The following MAP4K3 variants were observed in gnomAD, a reference collection of about 807,000 sequenced individuals.
MAP4K3 encodes mitogen-activated protein kinase kinase kinase kinase 3.
MAP4K3 carries 94 observed loss-of-function variants against 143.5 expected under a neutral mutation model. That is an observed-to-expected ratio of 0.65 (90% confidence interval 0.55 to 0.78). MAP4K3 has a LOEUF of 0.78. MAP4K3 is among the 30% of genes least tolerant of loss of function. The pLI is 0.00. For missense variants in MAP4K3, 1,077 were observed against 1,068.1 expected (o/e 1.01, Z -0.12); for synonymous variants, 416 against 347.2 (o/e 1.20, Z -2.20).
At position 39,292,769 on chromosome 2, in the gene MAP4K3, T is replaced by C. The variant is rs55748017; in HGVS notation, c.1271+4A>G. The stretch of plus-strand genomic sequence containing the variant: ...TTTTTACCAAAAACAGAGACAGAAC[T>C]TACTGTTTAGATTCATCATCATCTC... On this transcript the variant is annotated splice_donor_region_variant and intron_variant, in intron 18 of 33. Transcript: ENST00000263881. The C allele has an allele frequency of 1.7e-3, 2,674 of 1,612,450 alleles. 47 individuals are homozygous for C. In the East Asian group the frequency reaches 0.029, roughly 17 times the overall value.
intron 3 of MAP4K3, among the ~76,000 whole-genome samples, chr2:39,347,578 A>G (rs1013461466): frequency 1.3e-5 from 2 of 152,046 alleles, no homozygotes; most frequent in Admixed American, 6.5e-5. Context: ...TATAATTTAT[A>G]TTGTAGTGTA....
chr2:39,292,495 C>G (rs908939273), intron 18 of MAP4K3, among the ~76,000 whole-genome samples: 2 of 152,170 alleles, frequency 1.3e-5, no homozygotes, highest in African/African-American at 4.8e-5. Context: ...TGTCTGCAAG[C>G]CAAGAAGGCA....
intron 13 of MAP4K3, among the ~76,000 whole-genome samples, chr2:39,310,335 T>G (rs1319525461): frequency 6.6e-6 from 1 of 152,206 alleles, no homozygotes; most frequent in Non-Finnish European, 1.5e-5. Flanking sequence ...CACATATGAA[T>G]GAGGACATGA....
chr2:39,406,361 T>C (rs150282135), intron 1 of MAP4K3, among the ~76,000 whole-genome samples: 1 of 152,192 alleles, frequency 6.6e-6, no homozygotes, highest in East Asian at 1.9e-4. Context: ...GAGAAAGATA[T>C]TAATATCCAA....
In MAP4K3 at chr2:39,328,996, G is replaced by T. The variant is rs112280915; in HGVS notation, c.531-2719C>A. 1.7e-3 allele frequency among the ~76,000 whole-genome samples: 252 copies of T among 152,304 alleles called. 3 individuals are homozygous for T. Among genetic ancestry groups the T allele is most frequent in the African/African-American group, 5.9e-3 (245 of 41,568 alleles). On this transcript the variant is annotated intron_variant, in intron 8 of 33. Coordinates refer to ENST00000263881, the MANE Select transcript of MAP4K3 (RefSeq NM_003618.4). Reference sequence around the variant, plus strand: ...CACTTGGGAAGAGAGAGGTTCTAAAGTTTTAGATTTTAGGTAGGAAAGATA... The same window carrying T: ...CACTTGGGAAGAGAGAGGTTCTAAATTTTTAGATTTTAGGTAGGAAAGATA...
rs1293188571 is a variant in MAP4K3, at chr2:39,258,429, T to C, written c.2389A>G (p.Ile797Val). Residue 797 changes from isoleucine to valine, a missense_variant, in exon 31 of 34, where the codon ATA (isoleucine) becomes GTA (valine). Physicochemically the swap from Ile to Val is conservative, Grantham distance 29 (BLOSUM62 3). Transcript: ENST00000263881. ...TTTAATCTTCCTTGGAGATTTACTA[T>C]TTTTATACAACCTAGAGGAAAAAAA... ...ILVCLDCCIKIVNLQGRLKSS... is the reference protein window; with the variant it reads ...ILVCLDCCIKVVNLQGRLKSS... 4 of 1,609,684 alleles carry C rather than the reference T, an allele frequency of 2.5e-6. No homozygotes were observed. Among genetic ancestry groups the C allele is most frequent in the East Asian group, 2.2e-5 (1 of 44,806 alleles).
chr2:39,251,277 G>A (rs765375088), intron 33 of MAP4K3, among the ~76,000 whole-genome samples: 1 of 152,126 alleles, frequency 6.6e-6, no homozygotes, highest in Non-Finnish European at 1.5e-5. Context: ...AGTCCTGCCC[G>A]CATGATCAAA....
chr2:39,251,001 C>T (rs984633002), intron 33 of MAP4K3, among the ~76,000 whole-genome samples: 8 of 152,142 alleles, frequency 5.3e-5, no homozygotes, highest in African/African-American at 1.4e-4. Flanking sequence ...GTTCTAAAAA[C>T]GATTTGCAGT....
intron 1 of MAP4K3, among the ~76,000 whole-genome samples, chr2:39,408,531 T>C (rs1667154787): frequency 6.6e-6 from 1 of 151,510 alleles, no homozygotes; most frequent in Admixed American, 6.6e-5. Context: ...CCATCAAGCC[T>C]GAAACAAAAA....
At chr2:39,399,869 G>C (rs1666907060) in intron 1 of MAP4K3, among the ~76,000 whole-genome samples, 1 of 152,094 alleles carries the variant, frequency 6.6e-6, no homozygotes, top group South Asian at 2.1e-4. Context: ...GATCTAGCCA[G>C]GTACATAATA....
At chr2:39,375,533 C>T (rs1053256255) in intron 2 of MAP4K3, among the ~76,000 whole-genome samples, 1 of 152,160 alleles carries the variant, frequency 6.6e-6, no homozygotes, top group East Asian at 1.9e-4. Flanking sequence ...ATAGATATAA[C>T]GTAGCAACTA....
At chr2:39,423,933 T>A (rs1664975722) in intron 1 of MAP4K3, among the ~76,000 whole-genome samples, 1 of 152,148 alleles carries the variant, frequency 6.6e-6, no homozygotes, top group Admixed American at 6.5e-5. Flanking sequence ...TAATAATGTA[T>A]CAGTATTGGT....
intron 2 of MAP4K3, among the ~76,000 whole-genome samples, chr2:39,364,399 C>T (rs1046194471): frequency 1.3e-5 from 2 of 152,126 alleles, no homozygotes; most frequent in Non-Finnish European, 2.9e-5. Context: ...TATCATGTGA[C>T]GTGTTTTTAC....
chr2:39,271,973 A>G (rs755224862), intron 26 of MAP4K3: 175 of 200,238 alleles, frequency 8.7e-4, no homozygotes, highest in Middle Eastern at 2.2e-3. Context: ...AAGTTAACAC[A>G]TATGTCAAAA....
At chr2:39,387,665 A>G (rs1305174399) in intron 1 of MAP4K3, among the ~76,000 whole-genome samples, 1 of 152,232 alleles carries the variant, frequency 6.6e-6, no homozygotes, top group Non-Finnish European at 1.5e-5. Context: ...TGAAGAGACA[A>G]TCAATAAAGA....
At chr2:39,344,843 G>A (rs1237437493) in intron 3 of MAP4K3, among the ~76,000 whole-genome samples, 1 of 152,204 alleles carries the variant, frequency 6.6e-6, no homozygotes, top group African/African-American at 2.4e-5. Context: ...ATGCACATGT[G>A]GGAGACTGTG....
chr2:39,319,300 A>G (rs574769172), intron 12 of MAP4K3, among the ~76,000 whole-genome samples: 267 of 152,186 alleles, frequency 1.8e-3, no homozygotes, highest in African/African-American at 6.1e-3. Flanking sequence ...ATTGCTAGGA[A>G]TTTTAGGAAA....
chr2:39,368,217 G>T (rs1357924371), intron 2 of MAP4K3, among the ~76,000 whole-genome samples: 1 of 152,124 alleles, frequency 6.6e-6, no homozygotes, highest in South Asian at 2.1e-4. Context: ...TATATGTAAA[G>T]TAAGTATTAT....
At chr2:39,429,904 C>G (rs1156716427) in intron 1 of MAP4K3, among the ~76,000 whole-genome samples, 1 of 152,190 alleles carries the variant, frequency 6.6e-6, no homozygotes, top group African/African-American at 2.4e-5. Flanking sequence ...GATATACTCA[C>G]ATGTGTACTG....
Sources: gnomAD v4.1 joint callset for allele counts (sites outside exome capture counted in the v4.1 genomes callset) on GRCh38, gnomAD v4.1.1 for gene constraint, MANE v1.5 for transcripts, NCBI Gene and HGNC (gene_info 2026-07-23, HGNC 2026-07-21) for gene names.